Variants in TRMT44 observed in about 807,000 individuals in gnomAD.
TRMT44 encodes the protein probable tRNA (uracil-O(2)-)-methyltransferase.
In TRMT44, 78 loss-of-function variants were observed where a neutral mutation model predicts 77.3. That is an observed-to-expected ratio of 1.01 (90% confidence interval 0.84 to 1.22). TRMT44 has a LOEUF of 1.22. TRMT44 is among the 50% of genes most tolerant of loss of function. The probability of loss-of-function intolerance (pLI) is 0.00; values close to 1 mark genes in which losing one functional copy is unlikely to be tolerated. For synonymous variants in TRMT44, 391 were observed against 383.3 expected (o/e 1.02, Z -0.23); for missense variants, 1,090 against 964.4 (o/e 1.13, Z -1.73).
At chr4:8,506,023 T>C in the TRMT44 span, among the ~76,000 whole-genome samples, 1 of 152,358 alleles carries the variant, frequency 6.6e-6, no homozygotes, top group South Asian at 2.1e-4. Flanking sequence ...CAGCCTTGGG[T>C]ATTTCTTCAC....
At chr4:8,460,392 A>C (rs1316111803) in intron 6 of TRMT44, among the ~76,000 whole-genome samples, 3 of 152,224 alleles carry the variant, frequency 2.0e-5, no homozygotes, top group Non-Finnish European at 4.4e-5. Flanking sequence ...TAGGTACTCC[A>C]TGCAGTCACC....
chr4:8,476,006 C>T lies in TRMT44; in HGVS notation c.*5C>T, dbSNP rs769620758. On this transcript the variant is annotated 3_prime_UTR_variant, in exon 11 of 11. Transcript: ENST00000389737. ...CCGAGGAAGAAGATTTCATGAGCTGCATCCTTGCCAGCCGAGGCCTGGTTG... is the reference window on the plus strand; with the variant it reads ...CCGAGGAAGAAGATTTCATGAGCTGTATCCTTGCCAGCCGAGGCCTGGTTG... The T allele has an allele frequency of 1.1e-5, 17 of 1,612,626 alleles. No individual in the cohort carries two copies. The highest frequency in any genetic ancestry group is 1.4e-5 in the Non-Finnish European group (17 of 1,179,274).
rs1329309292 is a variant in TRMT44, at chr4:8,461,332, A to C, written c.1204-2653A>C. ...ATGTGTGTAGACTATAGACTCTCAC[A>C]CATGTCCCAGAATCGGGCTCTAAAC... On this transcript the variant is annotated intron_variant, in intron 6 of 10. Coordinates refer to ENST00000389737, the MANE Select transcript of TRMT44 (RefSeq NM_152544.3). The surrounding 1 kb of genome is among the most constrained non-coding windows in gnomAD (Gnocchi z 4.6). 6.6e-6 allele frequency among the ~76,000 whole-genome samples: 1 copy of C among 152,216 alleles called. No individual in the cohort carries two copies. Among genetic ancestry groups the C allele is most frequent in the Admixed American group, 6.5e-5 (1 of 15,278 alleles).
the TRMT44 span, among the ~76,000 whole-genome samples, chr4:8,514,874 A>G: frequency 6.6e-6 from 1 of 152,374 alleles, no homozygotes; most frequent in East Asian, 1.9e-4. Context: ...TGGAGCACAC[A>G]GGCATGTTGG....
intron 2 of TRMT44, among the ~76,000 whole-genome samples, chr4:8,487,348 AAG>A (rs1253965115): frequency 8.5e-5 from 13 of 152,070 alleles, no homozygotes; most frequent in African/African-American, 2.9e-4. Context: ...GCCCAGAGAA[AAG>A]AGAGAGTAGA....
At chr4:8,511,904 GA>G in the TRMT44 span, 1 of 152,322 alleles carries the variant, frequency 6.6e-6, no homozygotes, top group African/African-American at 2.4e-5. Context: ...AGACTTCAAA[GA>G]TAGTCAATGA....
In TRMT44 at chr4:8,441,034, G is replaced by C; in HGVS notation, c.212G>C (p.Gly71Ala). The change falls in exon 1 of 11, where the codon GGT (glycine) becomes GCT (alanine). Residue 71 changes from glycine to alanine, a missense_variant. Gly to Ala is a moderately conservative substitution (Grantham distance 60). Coordinates refer to ENST00000389737, the MANE Select transcript of TRMT44 (RefSeq NM_152544.3). Reference protein sequence around the residue: ...TSAGSEQKERGPGPGQGSPGG... With the variant: ...TSAGSEQKERAPGPGQGSPGG... The stretch of plus-strand genomic sequence containing the variant: ...GCAGGCTCGGAGCAGAAGGAGCGGG[G>C]TCCGGGACCCGGCCAGGGTTCCCCC... The C allele has an allele frequency of 6.7e-7, 1 of 1,495,574 alleles. No homozygotes were observed. Among genetic ancestry groups the C allele is most frequent in the Middle Eastern group, 2.3e-4 (1 of 4,326 alleles). 92.6% of individuals were successfully genotyped at this position (1,495,574 alleles called of 1,614,324 possible). A position where few individuals can be genotyped will look rare whatever the true frequency, so the allele number is the denominator to read the frequency against.
In TRMT44 at chr4:8,471,394, C is replaced by T. The variant is rs186120683; in HGVS notation, c.2044+194C>T. Reference sequence around the variant, plus strand: ...TGGGACGTGGGTCACCCCGTTCCCTCCTTGCTCCTCTGGACCTCGTCCCAT... The same window carrying T: ...TGGGACGTGGGTCACCCCGTTCCCTTCTTGCTCCTCTGGACCTCGTCCCAT... On this transcript the variant is annotated intron_variant, in intron 10 of 10. Transcript: ENST00000389737. Among the ~76,000 whole-genome samples the T allele has an allele frequency of 3.3e-5, 5 of 152,344 alleles. No individual in the cohort carries two copies. The East Asian group carries it at 9.6e-4, about 29-fold the overall frequency.
chr4:8,502,448 G>T, the TRMT44 span, among the ~76,000 whole-genome samples: 1 of 152,192 alleles, frequency 6.6e-6, no homozygotes, highest in Non-Finnish European at 1.5e-5. Flanking sequence ...TGGTGCAGTG[G>T]GTCTGAAGTG....
At position 8,473,064 on chromosome 4, in the gene TRMT44, G is replaced by C. The variant is rs147947473; in HGVS notation, c.2044+1864G>C. On this transcript the variant is annotated intron_variant, in intron 10 of 10. Transcript: ENST00000389737. Reference sequence around the variant, plus strand: ...GGTTCCAAATAAACATTCTCCTCCAGTCATGCGAAAACTATGCTCTGAAGC... The same window carrying C: ...GGTTCCAAATAAACATTCTCCTCCACTCATGCGAAAACTATGCTCTGAAGC... 3.9e-3 allele frequency among the ~76,000 whole-genome samples: 593 copies of C among 152,352 alleles called. 4 individuals are homozygous for C. The highest frequency in any genetic ancestry group is 0.014 in the African/African-American group (574 of 41,586).
At chr4:8,506,608 G>A in the TRMT44 span, among the ~76,000 whole-genome samples, 3 of 152,182 alleles carry the variant, frequency 2.0e-5, no homozygotes, top group Non-Finnish European at 4.4e-5. Flanking sequence ...GGGTCCTCTC[G>A]GGCTGGGAGG....
rs946563737 is a variant in TRMT44 at position 8,450,967 on chromosome 4, G to A, written c.955-993G>A. ...GCCTGGCTAATTTTTTGTATTTTTT[G>A]TAGAGACAAAGTTTTGCCATGTTTC... On this transcript the variant is annotated intron_variant, in intron 3 of 10. Transcript: ENST00000389737. Among the ~76,000 whole-genome samples the A allele has an allele frequency of 5.3e-5, 8 of 151,294 alleles. No homozygotes were observed. The South Asian group carries it at 1.3e-3, about 24-fold the overall frequency.
chr4:8,465,877 TC>T (rs1240821837), intron 8 of TRMT44, among the ~76,000 whole-genome samples: 3 of 152,206 alleles, frequency 2.0e-5, no homozygotes, highest in African/African-American at 4.8e-5. Flanking sequence ...GTGGCTGACC[TC>T]CCTGTGGAAA....
At position 8,471,111 on chromosome 4, in the gene TRMT44, A is replaced by G. The variant is rs1240111471; in HGVS notation, c.1955A>G (p.Asn652Ser). 5 of 1,604,126 alleles carry G rather than the reference A, an allele frequency of 3.1e-6. No homozygotes were observed. Among genetic ancestry groups the G allele is most frequent in the Non-Finnish European group, 4.3e-6 (5 of 1,175,972 alleles). Residue 652 changes from asparagine to serine, a missense_variant, in exon 10 of 11, where the codon AAC becomes AGC. By Grantham distance (46) the Asn-to-Ser change is conservative. Transcript: ENST00000389737. Reference sequence around the variant, plus strand: ...AGCCTATCTCTGGCAGAAGTAGCCAACGAGCTGGACACGGAGACCCTGCGG... The same window carrying G: ...AGCCTATCTCTGGCAGAAGTAGCCAGCGAGCTGGACACGGAGACCCTGCGG... ...GESLSLAEVA[N>S]ELDTETLRRL...
downstream of TRMT44, among the ~76,000 whole-genome samples, chr4:8,497,453 A>G (rs1202429850): frequency 6.6e-6 from 1 of 152,098 alleles, no homozygotes; most frequent in Non-Finnish European, 1.5e-5. Flanking sequence ...AGACCATCCT[A>G]GCTAACACAG....
chr4:8,491,768 C>A (rs867272949), intron 2 of TRMT44, among the ~76,000 whole-genome samples: 8 of 152,352 alleles, frequency 5.3e-5, no homozygotes, highest in African/African-American at 1.4e-4. Flanking sequence ...TGCACGCAGC[C>A]CCGGTTCCCG....
In TRMT44 at chr4:8,444,097, A is replaced by T. The variant is rs1206314331; in HGVS notation, c.620-2379A>T. 6.6e-6 allele frequency among the ~76,000 whole-genome samples: 1 copy of T among 152,228 alleles called. No individual in the cohort carries two copies. The highest frequency in any genetic ancestry group is 1.5e-5 in the Non-Finnish European group (1 of 68,034). ...AGGCTATGTGGATTTGAGACAGATT[A>T]CTTAATCTGTTGAACGCCTGGTTTT... On this transcript the variant is annotated intron_variant, in intron 1 of 10. Transcript: ENST00000389737. The surrounding 1 kb of genome is among the most constrained non-coding windows in gnomAD (Gnocchi z 4.0).
the TRMT44 span, among the ~76,000 whole-genome samples, chr4:8,511,457 T>C: frequency 2.0e-4 from 31 of 152,296 alleles, no homozygotes; most frequent in African/African-American, 6.0e-4. Context: ...ACGGAGACTT[T>C]GCAGAAGTGA....
At chr4:8,464,688 C>A (rs534666378) in intron 7 of TRMT44, among the ~76,000 whole-genome samples, 11 of 152,276 alleles carry the variant, frequency 7.2e-5, no homozygotes, top group African/African-American at 2.6e-4. Context: ...TTTAACCGTT[C>A]CTATTAAAAG....
Sources: gnomAD v4.1 joint callset for allele counts (sites outside exome capture counted in the v4.1 genomes callset) on GRCh38, gnomAD v4.1.1 for gene constraint, Gnocchi (gnomAD v3.1) non-coding constraint, MANE v1.5 for transcripts, NCBI Gene and HGNC (gene_info 2026-07-23, HGNC 2026-07-21) for gene names.